Variants in KIF3A observed in about 807,000 individuals in gnomAD.
KIF3A encodes kinesin family member 3A, also known as kinesin-like protein KIF3A.
Under a neutral mutation model 92.6 loss-of-function variants are expected in KIF3A, and 27 were observed. The observed-to-expected ratio is 0.29, with a 90% confidence interval of 0.21 to 0.40. The LOEUF is 0.40. Ranked by LOEUF, KIF3A falls within the 10% of genes least tolerant of loss-of-function variation. The pLI, the probability that KIF3A is intolerant of heterozygous loss-of-function variation, is 1.00. For synonymous variants in KIF3A, 250 were observed against 275.4 expected, an observed-to-expected ratio of 0.91 and a Z score of 0.92; for missense variants, 581 against 872.6, an observed-to-expected ratio of 0.67 and a Z score of 4.21.
At chr5:132,700,570 C>A (rs918622249) in intron 16 of KIF3A, 77 bp downstream of exon 16, 30 of 978,702 alleles carry the variant, frequency 3.1e-5, no homozygotes, top group Non-Finnish European at 4.4e-5. Context: ...TGTTCCTCCC[C>A]ACTGTAGCCA....
intron 10 of KIF3A, among the ~76,000 whole-genome samples, chr5:132,708,090 T>C (rs370063708): frequency 1.6e-4 from 24 of 152,050 alleles, no homozygotes; most frequent in African/African-American, 5.1e-4. Flanking sequence ...GGGACCATCC[T>C]GGCTAACACG....
chr5:132,733,785 G>A (rs1256030359), intron 2 of KIF3A, among the ~76,000 whole-genome samples: 6 of 152,164 alleles, frequency 3.9e-5, no homozygotes, highest in Admixed American at 2.0e-4. Flanking sequence ...ATGTTTCAAC[G>A]TTTTAAATGA....
rs1166335718 is a variant in KIF3A, at chr5:132,720,715, C to A, written c.511-1G>T. ...CTCCCACATCAGGTCTTTCTTTAACCTAAAAAAAAATTAAGACTTTATACT... is the reference window on the plus strand; with the variant it reads ...CTCCCACATCAGGTCTTTCTTTAACATAAAAAAAAATTAAGACTTTATACT... On this transcript the variant is annotated splice_acceptor_variant, in intron 4 of 18. Transcript: ENST00000403231. LOFTEE classifies it high-confidence loss of function. The A allele has an allele frequency of 6.4e-7, 1 of 1,563,108 alleles. No individual in the cohort carries two copies. Among genetic ancestry groups the A allele is most frequent in the South Asian group, 1.1e-5 (1 of 87,672 alleles).
chr5:132,730,185 G>A (rs754188425), intron 2 of KIF3A, among the ~76,000 whole-genome samples: 9 of 152,204 alleles, frequency 5.9e-5, no homozygotes, highest in Admixed American at 2.0e-4. Flanking sequence ...AGAAAAAACT[G>A]GCTGGGCACG....
chr5:132,703,359 C>A (rs1034658526), intron 12 of KIF3A, 104 bp downstream of exon 12: 1 of 1,020,388 alleles, frequency 9.8e-7, no homozygotes, highest in Non-Finnish European at 1.4e-6. Flanking sequence ...ACACTGGAGA[C>A]AAAAATCCAA....
chr5:132,692,581 A>C (rs1245994907), downstream of KIF3A: 4 of 152,384 alleles, frequency 2.6e-5, no homozygotes, highest in African/African-American at 9.6e-5. Context: ...ATCAGGGTGG[A>C]AGTAACCACA....
intron 8 of KIF3A, among the ~76,000 whole-genome samples, chr5:132,711,516 C>T (rs1377193108): frequency 6.6e-6 from 1 of 151,956 alleles, no homozygotes; most frequent in Non-Finnish European, 1.5e-5. Context: ...CACTTGAACC[C>T]AGGAGGCAGA....
chr5:132,712,739 AAAAGT>A (rs1245664634), intron 8 of KIF3A, among the ~76,000 whole-genome samples: 1 of 152,218 alleles, frequency 6.6e-6, no homozygotes, highest in Non-Finnish European at 1.5e-5. Context: ...ATTATAAAAG[AAAAGT>A]AGACAAACCC....
chr5:132,691,844 G>A (rs1581052820), downstream of KIF3A, among the ~76,000 whole-genome samples: 1 of 151,944 alleles, frequency 6.6e-6, no homozygotes, highest in African/African-American at 2.4e-5. Context: ...GGAGGTTGCA[G>A]TGAGCTAAGA....
intron 4 of KIF3A, chr5:132,723,857 C>A (rs1753910851): frequency 1.3e-5 from 2 of 152,128 alleles, no homozygotes; most frequent in South Asian, 4.1e-4. Flanking sequence ...TCAGAGTGAA[C>A]AGGCAACCTA....
Position 132,715,025 on chromosome 5 carries a change from G to A in KIF3A, c.1129+732C>T, listed in dbSNP as rs140425674. Reference sequence around the variant, plus strand: ...CTCTCTAAACATTTGTGATGCTGGCGTCTCTGAATTTCACCTCTGATCTAG... The same window carrying A: ...CTCTCTAAACATTTGTGATGCTGGCATCTCTGAATTTCACCTCTGATCTAG... On this transcript the variant is annotated intron_variant, in intron 8 of 18. Transcript: ENST00000403231. Among the ~76,000 whole-genome samples the A allele has an allele frequency of 4.0e-3, 601 of 152,092 alleles. 5 individuals are homozygous for A. Among genetic ancestry groups the A allele is most frequent in the African/African-American group, 0.013 (520 of 41,474 alleles).
intron 9 of KIF3A, among the ~76,000 whole-genome samples, chr5:132,709,670 C>CA (rs1327790919): frequency 6.6e-6 from 1 of 151,844 alleles, no homozygotes; most frequent in Non-Finnish European, 1.5e-5. Flanking sequence ...TAGGTGTGAA[C>CA]AAAAAAAATT....
chr5:132,700,538 A>G, intron 16 of KIF3A, 109 bp downstream of exon 16: 2 of 749,444 alleles, frequency 2.7e-6, no homozygotes, highest in Non-Finnish European at 4.7e-6. Flanking sequence ...CTGGATTCTC[A>G]TCTGATTCAT....
At position 132,693,658 on chromosome 5, in the gene KIF3A, C is replaced by T. The variant is rs1752734225; in HGVS notation, c.*2976G>A. ...GGAGCTAAATGAATAGCTCTGAAGT[C>T]AGTGTCCCATATTTGCATATAGATA... is the stretch of plus-strand genomic sequence containing the variant. On this transcript the variant is annotated 3_prime_UTR_variant, in exon 19 of 19. Transcript: ENST00000403231. 6.5e-6 allele frequency: 1 copy of T among 152,690 alleles called. No homozygotes were observed. Among genetic ancestry groups the T allele is most frequent in the Non-Finnish European group, 1.5e-5 (1 of 68,036 alleles). The allele number at this position is 152,690 out of a possible 1,614,324, so 9.5% of individuals were successfully genotyped here.
At chr5:132,736,086 T>A (rs991352881) in intron 1 of KIF3A, among the ~76,000 whole-genome samples, 4 of 152,238 alleles carry the variant, frequency 2.6e-5, no homozygotes, top group Non-Finnish European at 5.9e-5. Context: ...AATACTCTTA[T>A]AGGCTCAGAG....
intron 8 of KIF3A, among the ~76,000 whole-genome samples, chr5:132,714,639 C>T (rs920777318): frequency 6.6e-6 from 1 of 152,130 alleles, no homozygotes; most frequent in African/African-American, 2.4e-5. Flanking sequence ...TAGGAAGTTA[C>T]TACTTAAATG....
rs758529314 is a variant in KIF3A, at chr5:132,699,190, T to C, written c.2113A>G (p.Arg705Gly). 5 of 1,614,092 alleles carry C rather than the reference T, an allele frequency of 3.1e-6. No individual in the cohort carries two copies. Among genetic ancestry groups the C allele is most frequent in the Non-Finnish European group, 3.4e-6 (4 of 1,179,948 alleles). The change falls in exon 18 of 19, where the codon AGG (arginine) becomes GGG (glycine). Residue 705 changes from arginine to glycine, a missense_variant. Arg to Gly is a moderately radical substitution (Grantham distance 125). Around this residue, in one of 5 missense-constraint regions of KIF3A, gnomAD observed 112 missense variants for 144.3 expected, o/e 0.78. Transcript: ENST00000403231. ...ERPRTSKGKARPKTGRRKRSA... is the reference protein window; with the variant it reads ...ERPRTSKGKAGPKTGRRKRSA... Reference sequence around the variant, plus strand: ...CCTTACCTTCTCCCTGTCTTTGGCCTTGCTTTCCCCTTTGAAGTTCGTGGT... The same window carrying C: ...CCTTACCTTCTCCCTGTCTTTGGCCCTGCTTTCCCCTTTGAAGTTCGTGGT...
intron 15 of KIF3A, 139 bp downstream of exon 15, chr5:132,701,948 G>T: frequency 1.1e-6 from 1 of 894,632 alleles, no homozygotes; most frequent in Non-Finnish European, 1.7e-6. Context: ...AACAACTAAA[G>T]TGAAATGTGA....
rs1754034307 is a variant in KIF3A at position 132,726,395 on chromosome 5, A to G, written c.384T>C (p.Ala128=). The G allele has an allele frequency of 6.2e-7, 1 of 1,613,678 alleles. No individual in the cohort carries two copies. Among genetic ancestry groups the G allele is most frequent in the African/African-American group, 1.3e-5 (1 of 74,924 alleles). The part of the protein sequence containing the change: ...ELRGIIPNSF[A]HIFGHIAKAE... Reference sequence around the variant, plus strand: ...CTTTTGCAATATGACCAAATATGTGAGCAAATGAATTGGGAATTATTCCTC... The same window carrying G: ...CTTTTGCAATATGACCAAATATGTGGGCAAATGAATTGGGAATTATTCCTC... The change falls in exon 3 of 19, where the codon GCT becomes GCC. Residue 128 remains alanine, a synonymous_variant. Coordinates refer to ENST00000403231, the MANE Select transcript of KIF3A (RefSeq NM_001300791.2).
Sources: allele counts gnomAD v4.1 joint callset (sites outside exome capture counted in the v4.1 genomes callset), GRCh38; gene constraint gnomAD v4.1.1; regional missense constraint gnomAD v4.1.1; transcripts MANE v1.5; gene names NCBI Gene and HGNC (gene_info 2026-07-23, HGNC 2026-07-21).